ANO2: variants seen among roughly 807,000 people sequenced by gnomAD.
ANO2 encodes the protein anoctamin 2.
ANO2 carries 101 observed loss-of-function variants against 124.2 expected under a neutral mutation model. That is an observed-to-expected ratio of 0.81 (90% CI 0.69 to 0.96). The LOEUF (loss-of-function observed/expected upper bound fraction) is 0.96, where lower values mean the gene tolerates loss of function less well. Among genes scored for constraint, ANO2 ranks in the 40% least tolerant of loss-of-function variants. ANO2 has a pLI of 0.00. For missense variants in ANO2, 1,293 were observed against 1,274.5 expected (o/e 1.01, Z -0.22); for synonymous variants, 486 against 482.5 (o/e 1.01, Z -0.09).
chr12:5,873,274 T>C (rs1428131716), intron 3 of ANO2, among the ~76,000 whole-genome samples: 1 of 151,644 alleles, frequency 6.6e-6, no homozygotes, highest in Admixed American at 6.6e-5. Context: ...TCTCTCTTTC[T>C]CTGCACCTGG....
chr12:5,644,764 C>G (rs1202487857), intron 15 of ANO2, among the ~76,000 whole-genome samples: 1 of 152,192 alleles, frequency 6.6e-6, no homozygotes, highest in African/African-American at 2.4e-5. Flanking sequence ...ATAGCAAACT[C>G]TCAGTTTCTA....
At chr12:5,889,261 G>A (rs552496868) in intron 3 of ANO2, among the ~76,000 whole-genome samples, 5 of 152,320 alleles carry the variant, frequency 3.3e-5, no homozygotes, top group South Asian at 4.1e-4. Flanking sequence ...TGAGGGAGCC[G>A]ACTCCGGCCT....
At chr12:5,786,933 G>A (rs753978601) in intron 10 of ANO2, among the ~76,000 whole-genome samples, 3 of 152,196 alleles carry the variant, frequency 2.0e-5, no homozygotes, top group South Asian at 2.1e-4. Flanking sequence ...CTTGATGAGC[G>A]CAGGCTGAGT....
chr12:5,712,446 A>G (rs1414509193), intron 14 of ANO2, among the ~76,000 whole-genome samples: 1 of 152,208 alleles, frequency 6.6e-6, no homozygotes, highest in Non-Finnish European at 1.5e-5. Flanking sequence ...AGATGGAAGC[A>G]GCGATTGGAG....
intron 19 of ANO2, among the ~76,000 whole-genome samples, chr12:5,599,845 A>C (rs1437888660): frequency 6.6e-6 from 1 of 152,216 alleles, no homozygotes; most frequent in Non-Finnish European, 1.5e-5. Context: ...TCCACAAAGG[A>C]TGAGGTTTCT....
intron 10 of ANO2, among the ~76,000 whole-genome samples, chr12:5,783,142 C>T (rs1288831982): frequency 2.6e-5 from 4 of 152,228 alleles, no homozygotes; most frequent in African/African-American, 7.2e-5. Flanking sequence ...ACTCACCTAA[C>T]ACTCCCCATC....
chr12:5,682,300 A>C (rs1351524740), intron 14 of ANO2, among the ~76,000 whole-genome samples: 1 of 152,042 alleles, frequency 6.6e-6, no homozygotes, highest in Admixed American at 6.6e-5. Flanking sequence ...TGAGTTATAA[A>C]CTATATTCTC....
chr12:5,569,982 G>T (rs1029641190), intron 23 of ANO2, among the ~76,000 whole-genome samples: 4 of 152,086 alleles, frequency 2.6e-5, no homozygotes, highest in Non-Finnish European at 5.9e-5. Context: ...TGTAATTAAT[G>T]GCAATACACA....
rs1256361720 is a variant in ANO2, at chr12:5,851,861, G to C, written c.633+2182C>G. On this transcript the variant is annotated intron_variant, in intron 4 of 24. Transcript: ENST00000682330. ...GAGGGAAAATAAGCAAGCGGAGGTT[G>C]AAAAAGGACACACTTTTCCTGTGTC... is the stretch of plus-strand genomic sequence containing the variant. 4.3e-6 allele frequency: 3 copies of C among 699,584 alleles called. No homozygotes were observed. The Admixed American group carries it at 6.1e-5, about 14-fold the overall frequency. 43.3% of individuals were successfully genotyped at this position (699,584 alleles called of 1,614,324 possible). A position where few individuals can be genotyped will look rare whatever the true frequency, so the allele number is the denominator to read the frequency against.
intron 10 of ANO2, among the ~76,000 whole-genome samples, chr12:5,778,471 C>T (rs902068825): frequency 6.6e-6 from 1 of 152,190 alleles, no homozygotes; most frequent in South Asian, 2.1e-4. Context: ...TGAACAAGTA[C>T]AAATGATGGG....
intron 22 of ANO2, among the ~76,000 whole-genome samples, chr12:5,577,089 A>G (rs889699273): frequency 6.6e-6 from 1 of 152,250 alleles, no homozygotes; most frequent in African/African-American, 2.4e-5. Context: ...TAACAGACAC[A>G]ACTTCAAAGT....
intron 14 of ANO2, among the ~76,000 whole-genome samples, chr12:5,720,085 G>A (rs1417851838): frequency 2.0e-5 from 3 of 152,136 alleles, no homozygotes; most frequent in Admixed American, 6.5e-5. Flanking sequence ...TCAGTGACAG[G>A]ACTGCAATGA....
At chr12:5,857,810 A>ATAGG (rs1354362475) in intron 3 of ANO2, among the ~76,000 whole-genome samples, 1 of 150,860 alleles carries the variant, frequency 6.6e-6, no homozygotes, top group Non-Finnish European at 1.5e-5. Context: ...AGATAGATAG[A>ATAGG]TAGATAGATG....
At chr12:5,815,043 G>T (rs1252516421) in intron 7 of ANO2, among the ~76,000 whole-genome samples, 1 of 152,160 alleles carries the variant, frequency 6.6e-6, no homozygotes, top group African/African-American at 2.4e-5. Context: ...TTACTTTGGT[G>T]ACAGTAACAC....
chr12:5,834,866 G>C (rs2137223040), intron 4 of ANO2, among the ~76,000 whole-genome samples: 1 of 152,254 alleles, frequency 6.6e-6, no homozygotes, highest in South Asian at 2.1e-4. Context: ...GATAGAACTA[G>C]GTTCCTTCCT....
chr12:5,717,213 C>T (rs1950055210), intron 14 of ANO2, among the ~76,000 whole-genome samples: 2 of 152,272 alleles, frequency 1.3e-5, no homozygotes, highest in South Asian at 4.1e-4. Flanking sequence ...CAGAGCAAGC[C>T]CTTGGATTGC....
At chr12:5,826,775 A>C (rs1591662316) in intron 7 of ANO2, among the ~76,000 whole-genome samples, 4 of 152,174 alleles carry the variant, frequency 2.6e-5, no homozygotes, top group African/African-American at 7.2e-5. Context: ...GCAGCTTACA[A>C]GCCCCACAAC....
intron 19 of ANO2, among the ~76,000 whole-genome samples, chr12:5,602,243 T>A (rs1328400205): frequency 6.8e-6 from 1 of 147,948 alleles, no homozygotes. Flanking sequence ...AAAAATTAAT[T>A]GATCTAGGAA....
chr12:5,607,328 T>C (rs1944270469), intron 19 of ANO2, among the ~76,000 whole-genome samples: 1 of 152,300 alleles, frequency 6.6e-6, no homozygotes, highest in Middle Eastern at 3.4e-3. Flanking sequence ...CCAAGAATGG[T>C]TCTTTTTTCC....
Sources: gnomAD v4.1 joint callset for allele counts (sites outside exome capture counted in the v4.1 genomes callset) on GRCh38, gnomAD v4.1.1 for gene constraint, MANE v1.5 for transcripts, NCBI Gene and HGNC (gene_info 2026-07-23, HGNC 2026-07-21) for gene names.